The following DOP1B variants were observed in gnomAD, a reference collection of about 807,000 sequenced individuals.
DOP1B encodes the protein DOP1 leucine zipper like protein B, also known as protein DOP1B.
A neutral mutation model predicts 233.5 loss-of-function variants in DOP1B; 174 were observed. That is an observed-to-expected ratio of 0.75 (90% CI 0.66 to 0.85). The LOEUF (loss-of-function observed/expected upper bound fraction) is 0.85, where lower values mean the gene tolerates loss of function less well. Ranked by LOEUF, DOP1B falls within the 40% of genes least tolerant of loss-of-function variation. DOP1B has a pLI of 0.00. For synonymous variants in DOP1B, 1,190 were observed against 1,185.6 expected (o/e 1.00, Z -0.08); for missense variants, 2,652 against 2,846.6 (o/e 0.93, Z 1.56).
intron 2 of DOP1B, among the ~76,000 whole-genome samples, chr21:36,166,436 CA>C (rs34206711): frequency 0.047 from 6,577 of 141,360 alleles, 183 homozygotes; most frequent in Non-Finnish European, 0.067. Flanking sequence ...GACTCCGTCT[CA>C]AAAAAAAAAA....
At position 36,293,383 on chromosome 21, in the gene DOP1B, G is replaced by C. The variant is rs1205472471; in HGVS notation, c.6709G>C (p.Val2237Leu). 6.2e-7 allele frequency: 1 copy of C among 1,614,160 alleles called. No homozygotes were observed. The highest frequency in any genetic ancestry group is 1.6e-4 in the Middle Eastern group (1 of 6,062). Reference protein sequence around the residue: ...SEFPLLRQHSVSSIRQLMPFF... With the variant: ...SEFPLLRQHSLSSIRQLMPFF... ...ATTCCCGCTTCTGCGCCAACATTCT[G>C]TTTCCAGCATCAGGCAGTTGATGCC... Residue 2237 changes from valine (V) to leucine (L), a missense_variant, in exon 37 of 37, where the codon GTT becomes CTT. By Grantham distance (32) the Val-to-Leu change is conservative (BLOSUM62 1). Around this residue, in one of 3 missense-constraint regions of DOP1B, gnomAD observed 2,617 missense variants for 2,794.3 expected, o/e 0.94. Coordinates refer to ENST00000691173, the MANE Select transcript of DOP1B (RefSeq NM_001320714.2).
At chr21:36,181,954 A>G (rs1343810594) in intron 2 of DOP1B, among the ~76,000 whole-genome samples, 1 of 152,252 alleles carries the variant, frequency 6.6e-6, no homozygotes, top group Admixed American at 6.5e-5. Flanking sequence ...ACTTATCTTT[A>G]TATGGCAAGA....
chr21:36,191,875 T>C (rs1394870445), intron 2 of DOP1B, among the ~76,000 whole-genome samples: 1 of 152,174 alleles, frequency 6.6e-6, no homozygotes, highest in African/African-American at 2.4e-5. Context: ...CTTTATGCTA[T>C]TGTGGTAAAA....
At chr21:36,169,341 T>G in intron 2 of DOP1B, 1 of 783,662 alleles carries the variant, frequency 1.3e-6, no homozygotes, top group Non-Finnish European at 2.3e-6. Context: ...ATCTTCTTGT[T>G]GATCTCAGTG....
At chr21:36,198,798 G>A (rs2066323493) in intron 2 of DOP1B, among the ~76,000 whole-genome samples, 1 of 152,238 alleles carries the variant, frequency 6.6e-6, no homozygotes, top group Non-Finnish European at 1.5e-5. Context: ...CTGAGATGGA[G>A]AAGCACACGG....
chr21:36,230,989 G>A lies in DOP1B; in HGVS notation c.2205G>A (p.Val735=), dbSNP rs1199176937. 34 of 1,614,042 alleles carry A rather than the reference G, an allele frequency of 2.1e-5. No homozygotes were observed. Among genetic ancestry groups the A allele is most frequent in the Non-Finnish European group, 2.5e-5 (29 of 1,180,036 alleles). Residue 735 remains valine, a synonymous_variant, in exon 14 of 37, where the codon GTG becomes GTA. Transcript: ENST00000691173. ...KNGGEWDVEK[V]VIDLGGSREE... Reference sequence around the variant, plus strand: ...GGGGAGAATGGGATGTTGAGAAGGTGGTCATTGACCTGGGGGGTTCCAGGG... The same window carrying A: ...GGGGAGAATGGGATGTTGAGAAGGTAGTCATTGACCTGGGGGGTTCCAGGG...
chr21:36,180,514 T>C (rs934556089), intron 2 of DOP1B, among the ~76,000 whole-genome samples: 1 of 151,964 alleles, frequency 6.6e-6, no homozygotes, highest in Admixed American at 6.6e-5. Context: ...GAGGTCACAG[T>C]GAGCTGAGAT....
At chr21:36,230,181 A>G (rs1220444616) in intron 13 of DOP1B, among the ~76,000 whole-genome samples, 2 of 152,150 alleles carry the variant, frequency 1.3e-5, no homozygotes, top group Admixed American at 6.6e-5. Flanking sequence ...GGGGTTATAT[A>G]TTTAGACAAA....
At position 36,225,883 on chromosome 21, in the gene DOP1B, G is replaced by A. The variant is rs542697843; in HGVS notation, c.1473+216G>A. On this transcript the variant is annotated intron_variant, in intron 12 of 36. Coordinates refer to ENST00000691173, the MANE Select transcript of DOP1B (RefSeq NM_001320714.2). ...AGGGGCTATAACTTTTGGGCCAGTTGTAAGTGGGCAAAGCTGAAGTTAGGT... is the reference window on the plus strand; with the variant it reads ...AGGGGCTATAACTTTTGGGCCAGTTATAAGTGGGCAAAGCTGAAGTTAGGT... 5.9e-5 allele frequency among the ~76,000 whole-genome samples: 9 copies of A among 152,288 alleles called. No homozygotes were observed. The South Asian group carries it at 8.3e-4, about 14-fold the overall frequency.
intron 9 of DOP1B, among the ~76,000 whole-genome samples, chr21:36,218,995 G>C (rs1943951212): frequency 2.0e-5 from 3 of 152,172 alleles, no homozygotes; most frequent in Admixed American, 6.5e-5. Flanking sequence ...CGTAGTCTGC[G>C]CTCTGCCTCT....
chr21:36,260,637 C>G, intron 23 of DOP1B, 40 bp from the exon 24 acceptor site: 1 of 1,611,748 alleles, frequency 6.2e-7, no homozygotes, highest in Non-Finnish European at 8.5e-7. Flanking sequence ...AGCCTTATTT[C>G]CCACCAACTC....
rs140646526 is a variant in DOP1B, at chr21:36,290,957, G to A, written c.6516-1147G>A. 3.7e-3 allele frequency among the ~76,000 whole-genome samples: 563 copies of A among 151,158 alleles called. 4 individuals are homozygous for A. The highest frequency in any genetic ancestry group is 0.013 in the African/African-American group (538 of 41,212). On this transcript the variant is annotated intron_variant, in intron 35 of 36. Transcript: ENST00000691173. The stretch of plus-strand genomic sequence containing the variant: ...TGCACTCCAGCCTAGGCAACAGAGC[G>A]AGACTCCCCCTCAAAAAAAAAAGAG...
At chr21:36,174,621 C>G (rs2066004364) in intron 2 of DOP1B, among the ~76,000 whole-genome samples, 1 of 152,262 alleles carries the variant, frequency 6.6e-6, no homozygotes, top group Non-Finnish European at 1.5e-5. Context: ...CCTCCTGCCT[C>G]AGCCTCCCAA....
intron 23 of DOP1B, among the ~76,000 whole-genome samples, chr21:36,256,764 G>GAA (rs139779302): frequency 1.3e-4 from 18 of 143,630 alleles, no homozygotes; most frequent in African/African-American, 3.5e-4. Flanking sequence ...TCTATATCTG[G>GAA]AAAAAAAAAA....
At chr21:36,213,943 TG>T in intron 7 of DOP1B, 137 bp from the exon 8 acceptor site, 1 of 663,132 alleles carries the variant, frequency 1.5e-6, no homozygotes, top group Non-Finnish European at 2.6e-6. Context: ...AAATCTGACG[TG>T]GTCTTTCTGG....
chr21:36,245,927 C>A lies in DOP1B; in HGVS notation c.3947C>A (p.Thr1316Asn). ...CPHSLLLELL[T>N]YLCLSFLRSY... The stretch of plus-strand genomic sequence containing the variant: ...CACTCTCTGCTCCTGGAGCTGCTCA[C>A]CTACCTCTGCCTGAGCTTCCTGCGC... Residue 1316 changes from threonine to asparagine, a missense_variant, in exon 19 of 37, where the codon ACC (threonine) becomes AAC (asparagine). This residue lies in a region of DOP1B where 2,617 missense variants were observed against 2,794.3 expected (regional missense o/e 0.94). Coordinates refer to ENST00000691173, the MANE Select transcript of DOP1B (RefSeq NM_001320714.2). The surrounding 1 kb of genome is among the most constrained non-coding windows in gnomAD (Gnocchi z 5.5). 6.2e-7 allele frequency: 1 copy of A among 1,613,942 alleles called. No individual in the cohort carries two copies. The highest frequency in any genetic ancestry group is 1.3e-5 in the African/African-American group (1 of 75,028).
At chr21:36,274,257 G>T (rs972994552) in intron 27 of DOP1B, among the ~76,000 whole-genome samples, 4 of 152,136 alleles carry the variant, frequency 2.6e-5, no homozygotes. Context: ...AGGATTTTGC[G>T]CTGGTTAAGG....
Position 36,208,793 on chromosome 21 carries a change from G to A in DOP1B, c.570G>A (p.Leu190=). The A allele has an allele frequency of 6.2e-7, 1 of 1,611,338 alleles. No individual in the cohort carries two copies. The highest frequency in any genetic ancestry group is 1.1e-5 in the South Asian group (1 of 90,726). ...ACACCGCCCTCTGGGGGAGCGTCCT[G>A]GCCAGCCCGTCCATCCGCCTCCCTG... ...VFYTALWGSV[L]ASPSIRLPAS... Residue 190 remains leucine (L), a synonymous_variant, in exon 5 of 37, where the codon CTG becomes CTA. Transcript: ENST00000691173.
At chr21:36,204,536 T>C (rs2066406044) in intron 4 of DOP1B, among the ~76,000 whole-genome samples, 1 of 151,806 alleles carries the variant, frequency 6.6e-6, no homozygotes, top group South Asian at 2.1e-4. Context: ...CAGGCTGGAG[T>C]ACAGTGGCAG....
Sources: allele counts gnomAD v4.1 joint callset (sites outside exome capture counted in the v4.1 genomes callset), GRCh38; gene constraint gnomAD v4.1.1; regional missense constraint gnomAD v4.1.1; non-coding constraint Gnocchi (gnomAD v3.1); transcripts MANE v1.5; gene names NCBI Gene and HGNC (gene_info 2026-07-23, HGNC 2026-07-21).